The following FILIP1L variants were observed in gnomAD, a reference collection of about 807,000 sequenced individuals.
FILIP1L encodes the protein filamin A-interacting protein 1-like.
In FILIP1L, 55 loss-of-function variants were observed where a neutral mutation model predicts 96.6. The ratio of observed to expected loss-of-function variants is 0.57; its 90% CI spans 0.46 to 0.71. The LOEUF is 0.71. Ranked by LOEUF, FILIP1L falls within the 30% of genes least tolerant of loss-of-function variation. The pLI is 0.00. For missense variants in FILIP1L, 1,304 were observed against 1,321.2 expected (o/e 0.99, Z 0.20); for synonymous variants, 467 against 473.9 (o/e 0.99, Z 0.19).
chr3:99,979,656 A>G (rs1221552976), intron 1 of FILIP1L, among the ~76,000 whole-genome samples: 1 of 152,224 alleles, frequency 6.6e-6, no homozygotes, highest in African/African-American at 2.4e-5. Flanking sequence ...TATTACCTCT[A>G]TATGTCAATA....
At chr3:99,934,207 C>T (rs1707583884) in intron 1 of FILIP1L, among the ~76,000 whole-genome samples, 1 of 152,104 alleles carries the variant, frequency 6.6e-6, no homozygotes, top group South Asian at 2.1e-4. Context: ...AGCCCAGATT[C>T]AAGATTGAGG....
intron 1 of FILIP1L, among the ~76,000 whole-genome samples, chr3:100,087,095 A>G (rs539199040): frequency 2.6e-5 from 4 of 152,332 alleles, no homozygotes; most frequent in African/African-American, 9.6e-5. Flanking sequence ...TGCTAATCCA[A>G]TTACGAGTTG....
At chr3:99,862,043 A>G (rs1287019557) in intron 4 of FILIP1L, among the ~76,000 whole-genome samples, 1 of 152,200 alleles carries the variant, frequency 6.6e-6, no homozygotes, top group Non-Finnish European at 1.5e-5. Context: ...TTCTCATTAG[A>G]AGTAGGATGG....
At chr3:99,938,136 G>A (rs935640743) in intron 1 of FILIP1L, among the ~76,000 whole-genome samples, 4 of 152,096 alleles carry the variant, frequency 2.6e-5, no homozygotes, top group African/African-American at 7.2e-5. Context: ...TTAGATCCAC[G>A]TAACTTACTG....
intron 1 of FILIP1L, among the ~76,000 whole-genome samples, chr3:100,030,029 A>G (rs1171201937): frequency 6.6e-6 from 1 of 152,156 alleles, no homozygotes; most frequent in Non-Finnish European, 1.5e-5. Context: ...CTAGCATGGA[A>G]TGGAAAGTAT....
intron 1 of FILIP1L, among the ~76,000 whole-genome samples, chr3:100,091,174 A>G (rs565670907): frequency 2.0e-5 from 3 of 151,514 alleles, no homozygotes; most frequent in African/African-American, 7.3e-5. Flanking sequence ...AGTCCCAGCT[A>G]CTCGGGAGGC....
chr3:99,934,681 G>T (rs1707601636), intron 1 of FILIP1L, among the ~76,000 whole-genome samples: 1 of 152,180 alleles, frequency 6.6e-6, no homozygotes, highest in Non-Finnish European at 1.5e-5. Context: ...GCCCTGAGCT[G>T]CAACAGAAGA....
intron 3 of FILIP1L, among the ~76,000 whole-genome samples, chr3:99,927,623 C>T (rs1458590027): frequency 1.3e-5 from 2 of 152,188 alleles, no homozygotes; most frequent in Non-Finnish European, 2.9e-5. Flanking sequence ...CCTGCCTCGG[C>T]CTCCCAAAGT....
chr3:99,903,222 A>T (rs1706494289), intron 4 of FILIP1L, among the ~76,000 whole-genome samples: 2 of 152,076 alleles, frequency 1.3e-5, no homozygotes, highest in Admixed American at 6.5e-5. Flanking sequence ...ATCTGTGTGT[A>T]TTCATACATG....
chr3:100,091,590 G>A (rs1051000295), intron 1 of FILIP1L, among the ~76,000 whole-genome samples: 4 of 152,172 alleles, frequency 2.6e-5, no homozygotes, highest in African/African-American at 4.8e-5. Flanking sequence ...TCTAACTTAC[G>A]TGCCTGACTT....
At position 99,850,953 on chromosome 3, in the gene FILIP1L, C is replaced by T; in HGVS notation, c.723G>A (p.Met241Ile). 6.2e-7 allele frequency: 1 copy of T among 1,614,174 alleles called. No individual in the cohort carries two copies. Among genetic ancestry groups the T allele is most frequent in the Middle Eastern group, 1.6e-4 (1 of 6,062 alleles). Reference sequence around the variant, plus strand: ...TCAGCCTTTGCTGTTCATCCACCACCATCAAAGCAAAAGACTTCAGCTTGG... The same window carrying T: ...TCAGCCTTTGCTGTTCATCCACCACTATCAAAGCAAAAGACTTCAGCTTGG... ...ELTKLKSFALMVVDEQQRLTA... is the reference protein window; with the variant it reads ...ELTKLKSFALIVVDEQQRLTA... Residue 241 changes from methionine (M) to isoleucine (I), a missense_variant, in exon 5 of 6, where the codon ATG (methionine) becomes ATA (isoleucine). Transcript: ENST00000477258.
chr3:99,976,974 G>A (rs1013398486), intron 1 of FILIP1L, among the ~76,000 whole-genome samples: 1 of 152,176 alleles, frequency 6.6e-6, no homozygotes, highest in African/African-American at 2.4e-5. Flanking sequence ...GCACCTTGCA[G>A]GAATTCTATC....
chr3:100,074,882 C>T (rs554169657), intron 1 of FILIP1L, among the ~76,000 whole-genome samples: 1 of 151,404 alleles, frequency 6.6e-6, no homozygotes, highest in African/African-American at 2.4e-5. Flanking sequence ...TTAATAGAGA[C>T]AGGGTTTCGC....
At chr3:100,012,276 C>A (rs541078628) in intron 1 of FILIP1L, among the ~76,000 whole-genome samples, 1 of 152,126 alleles carries the variant, frequency 6.6e-6, no homozygotes, top group East Asian at 1.9e-4. Context: ...ACTTTGTCAA[C>A]CAATTAGAAG....
chr3:99,991,524 G>T (rs1424797054), intron 1 of FILIP1L, among the ~76,000 whole-genome samples: 4 of 151,994 alleles, frequency 2.6e-5, no homozygotes, highest in Non-Finnish European at 5.9e-5. Flanking sequence ...TCATGGTCAA[G>T]TCTGGGCTTT....
intron 5 of FILIP1L, among the ~76,000 whole-genome samples, chr3:99,833,514 T>C (rs1942773329): frequency 6.6e-6 from 1 of 152,238 alleles, no homozygotes; most frequent in African/African-American, 2.4e-5. Flanking sequence ...TTCCACTTTA[T>C]CATGGAGCAC....
intron 4 of FILIP1L, among the ~76,000 whole-genome samples, chr3:99,910,556 C>T (rs948700202): frequency 7.3e-6 from 1 of 136,830 alleles, no homozygotes. Context: ...CCCCTTACCA[C>T]TTTCCAAGGA....
chr3:99,903,968 A>G (rs1455787057), intron 4 of FILIP1L, among the ~76,000 whole-genome samples: 1 of 152,224 alleles, frequency 6.6e-6, no homozygotes, highest in Non-Finnish European at 1.5e-5. Flanking sequence ...AACAAGCCCA[A>G]GCTAATTGAG....
chr3:100,072,313 GC>G (rs1170995127), intron 1 of FILIP1L, among the ~76,000 whole-genome samples: 2 of 152,172 alleles, frequency 1.3e-5, no homozygotes, highest in African/African-American at 4.8e-5. Context: ...TTGGCCTCCT[GC>G]CCTAGTTCAT....
Sources: gnomAD v4.1 joint callset for allele counts (sites outside exome capture counted in the v4.1 genomes callset) on GRCh38, gnomAD v4.1.1 for gene constraint, MANE v1.5 for transcripts, NCBI Gene and HGNC (gene_info 2026-07-23, HGNC 2026-07-21) for gene names.